PLPPR1: variants seen among roughly 807,000 people sequenced by gnomAD.
The protein encoded by PLPPR1 is phospholipid phosphatase related 1.
A neutral mutation model predicts 33.1 loss-of-function variants in PLPPR1; 10 were observed. The observed-to-expected ratio is 0.30, with a 90% CI of 0.19 to 0.51. The LOEUF (loss-of-function observed/expected upper bound fraction) is 0.51, where lower values mean the gene tolerates loss of function less well. PLPPR1 is among the 20% of genes least tolerant of loss of function. The pLI, the probability that PLPPR1 is intolerant of heterozygous loss-of-function variation, is 0.97. For synonymous variants in PLPPR1, 151 were observed against 151.0 expected (o/e 1.00, Z 0.00); for missense variants, 304 against 408.1 (o/e 0.74, Z 2.20).
In PLPPR1 at chr9:101,081,478, C is replaced by A. The variant is rs1221638236; in HGVS notation, c.-46+52376C>A. 4.6e-5 allele frequency among the ~76,000 whole-genome samples: 7 copies of A among 152,282 alleles called. No homozygotes were observed. In the East Asian group the frequency reaches 5.8e-4, roughly 13 times the overall value. ...AAAGTGCTGGGATTACAGGCATAAG[C>A]CACCATGCCCGGCCAATGCATGTAT... On this transcript the variant is annotated intron_variant, in intron 1 of 7. Transcript: ENST00000374874.
intron 4 of PLPPR1, among the ~76,000 whole-genome samples, chr9:101,292,926 A>C (rs1312289017): frequency 2.0e-5 from 3 of 151,920 alleles, no homozygotes; most frequent in African/African-American, 4.8e-5. Context: ...CTAACATCAT[A>C]ATGACAGGAT....
At chr9:101,056,911 G>GTTA (rs1246013446) in intron 1 of PLPPR1, among the ~76,000 whole-genome samples, 1 of 151,916 alleles carries the variant, frequency 6.6e-6, no homozygotes. Flanking sequence ...AAGTCTGAGG[G>GTTA]TTATTCTCCA....
intron 1 of PLPPR1, among the ~76,000 whole-genome samples, chr9:101,126,212 C>A (rs187706132): frequency 9.8e-5 from 15 of 152,352 alleles, no homozygotes; most frequent in African/African-American, 2.6e-4. Context: ...TTTATGTCAA[C>A]AACTGAGCAA....
intron 1 of PLPPR1, among the ~76,000 whole-genome samples, chr9:101,064,653 A>T (rs564320616): frequency 1.3e-5 from 2 of 152,136 alleles, no homozygotes; most frequent in Admixed American, 6.6e-5. Context: ...TCTGGGTAGG[A>T]GGTGCATCTT....
intron 4 of PLPPR1, among the ~76,000 whole-genome samples, chr9:101,306,272 A>G (rs1828857450): frequency 6.6e-6 from 1 of 152,188 alleles, no homozygotes; most frequent in South Asian, 2.1e-4. Context: ...CACATTTACA[A>G]AAAACCCTTC....
intron 1 of PLPPR1, among the ~76,000 whole-genome samples, chr9:101,158,775 T>C (rs1831733604): frequency 6.6e-6 from 1 of 152,210 alleles, no homozygotes; most frequent in African/African-American, 2.4e-5. Context: ...GCAATTATCC[T>C]CTGCTTCAGG....
chr9:101,133,472 C>A (rs923716118), intron 1 of PLPPR1, among the ~76,000 whole-genome samples: 1 of 152,142 alleles, frequency 6.6e-6, no homozygotes, highest in African/African-American at 2.4e-5. Context: ...AACCTTTTGT[C>A]ATTTGATAAA....
intron 3 of PLPPR1, among the ~76,000 whole-genome samples, chr9:101,277,576 C>G (rs1437856137): frequency 6.6e-6 from 1 of 152,154 alleles, no homozygotes; most frequent in East Asian, 1.9e-4. Context: ...TTAACGAGCC[C>G]TCTCTTTTTG....
chr9:101,180,139 T>TAC (rs1444529802), intron 1 of PLPPR1, among the ~76,000 whole-genome samples: 9 of 37,356 alleles, frequency 2.4e-4, no homozygotes, highest in South Asian at 6.0e-4. Context: ...TATATATATA[T>TAC]ATATACACAC....
At chr9:101,225,780 A>G (rs2118804151) in intron 2 of PLPPR1, among the ~76,000 whole-genome samples, 1 of 137,028 alleles carries the variant, frequency 7.3e-6, no homozygotes, top group South Asian at 2.6e-4. Context: ...TATAATTTAA[A>G]TGTGTCAGAT....
chr9:101,268,783 A>AT (rs558846751), intron 2 of PLPPR1, among the ~76,000 whole-genome samples: 50 of 152,170 alleles, frequency 3.3e-4, no homozygotes, highest in Middle Eastern at 6.8e-3. Context: ...CCAAGTTCTG[A>AT]TTTTTTTTCA....
At chr9:101,253,915 A>G (rs373165420) in intron 2 of PLPPR1, among the ~76,000 whole-genome samples, 14 of 152,112 alleles carry the variant, frequency 9.2e-5, no homozygotes, top group African/African-American at 1.2e-4. Flanking sequence ...TTTTTAACTT[A>G]GATAAAAATC....
At chr9:101,276,658 T>G (rs1375499830) in intron 3 of PLPPR1, among the ~76,000 whole-genome samples, 1 of 152,258 alleles carries the variant, frequency 6.6e-6, no homozygotes, top group Non-Finnish European at 1.5e-5. Context: ...CCATTTCTCT[T>G]GTATTCACTG....
At chr9:101,247,854 G>A (rs556761328) in intron 2 of PLPPR1, among the ~76,000 whole-genome samples, 38 of 152,102 alleles carry the variant, frequency 2.5e-4, no homozygotes, top group Admixed American at 1.7e-3. Flanking sequence ...TGTTTCCTAA[G>A]GCTCCTCAGT....
chr9:101,125,247 CCTATCTCTATTTATCT>C lies in PLPPR1; in HGVS notation c.-45-60185_-45-60170del, dbSNP rs138811291. 5.8e-3 allele frequency among the ~76,000 whole-genome samples: 879 copies of C among 152,098 alleles called. 9 individuals are homozygous for C. Among genetic ancestry groups the C allele is most frequent in the African/African-American group, 0.02 (820 of 41,482 alleles). ...TAGTTCCTGTGAGTTCCTGCAAGTCCCTATCTCTATTTATCTCTATCTCTATTTATCTCCACTTTAC... is the reference window on the plus strand; with the variant it reads ...TAGTTCCTGTGAGTTCCTGCAAGTCCCTATCTCTATTTATCTCCACTTTAC... On this transcript the variant is annotated intron_variant, in intron 1 of 7. Transcript: ENST00000374874.
intron 1 of PLPPR1, chr9:101,125,431 C>T (rs1164761119): frequency 9.9e-5 from 22 of 223,266 alleles, no homozygotes; most frequent in Admixed American, 5.1e-4. Context: ...CTTATCTCTA[C>T]ATCTTTCCTG....
intron 2 of PLPPR1, among the ~76,000 whole-genome samples, chr9:101,268,505 C>T (rs925525201): frequency 6.6e-6 from 1 of 152,106 alleles, no homozygotes; most frequent in Non-Finnish European, 1.5e-5. Context: ...CTTTGCCTCC[C>T]CCATCACTCT....
intron 1 of PLPPR1, among the ~76,000 whole-genome samples, chr9:101,071,902 A>G (rs1830486445): frequency 6.6e-6 from 1 of 152,170 alleles, no homozygotes; most frequent in Non-Finnish European, 1.5e-5. Context: ...AGCCAGGTGA[A>G]GGAATTTCAA....
chr9:101,128,161 G>A (rs181379283), intron 1 of PLPPR1, among the ~76,000 whole-genome samples: 174 of 152,238 alleles, frequency 1.1e-3, no homozygotes, highest in Middle Eastern at 3.4e-3. Context: ...TGTGTCTAGA[G>A]ATATATTTAA....
Sources: gnomAD v4.1 joint callset for allele counts (sites outside exome capture counted in the v4.1 genomes callset) on GRCh38, gnomAD v4.1.1 for gene constraint, MANE v1.5 for transcripts, NCBI Gene and HGNC (gene_info 2026-07-23, HGNC 2026-07-21) for gene names.